Variants in NAF1 observed in about 807,000 individuals in gnomAD.
NAF1 encodes H/ACA ribonucleoprotein complex non-core subunit NAF1.
NAF1 carries 11 observed loss-of-function variants against 40.6 expected under a neutral mutation model. The observed-to-expected ratio is 0.27, with a 90% CI of 0.17 to 0.45. NAF1 has a LOEUF of 0.45. Among genes scored for constraint, NAF1 ranks in the 20% least tolerant of loss-of-function variants. The pLI is 1.00. For missense variants in NAF1, 607 were observed against 611.1 expected (o/e 0.99, Z 0.07); for synonymous variants, 260 against 228.5 (o/e 1.14, Z -1.24).
At chr4:163,146,317 C>A (rs2110964612) in intron 3 of NAF1, among the ~76,000 whole-genome samples, 1 of 152,290 alleles carries the variant, frequency 6.6e-6, no homozygotes, top group South Asian at 2.1e-4. Context: ...AAAGGCTTCA[C>A]AAAAGCATCT....
At chr4:163,153,908 C>T (rs776928256) in intron 2 of NAF1, among the ~76,000 whole-genome samples, 4 of 152,162 alleles carry the variant, frequency 2.6e-5, no homozygotes, top group South Asian at 2.1e-4. Flanking sequence ...CTTTTATGAG[C>T]CATAACACTC....
chr4:163,128,894 C>A lies in NAF1; in HGVS notation c.*3G>T. 6.8e-7 allele frequency: 1 copy of A among 1,477,206 alleles called. No homozygotes were observed. The highest frequency in any genetic ancestry group is 9.0e-7 in the Non-Finnish European group (1 of 1,112,186). 91.5% of individuals were successfully genotyped at this position (1,477,206 alleles called of 1,614,324 possible). A position where few individuals can be genotyped will look rare whatever the true frequency, so the allele number is the denominator to read the frequency against. On this transcript the variant is annotated 3_prime_UTR_variant, in exon 8 of 8. Transcript: ENST00000274054. ...CCACATTTCTCTGGAAATGCATAGT[C>A]ACCTAATAGTAAGGTCCAAAATGAG...
intron 4 of NAF1, chr4:163,141,858 C>T (rs1731274560): frequency 1.4e-6 from 1 of 694,552 alleles, no homozygotes; most frequent in Admixed American, 6.3e-5. Context: ...ATAGTAAATG[C>T]TCTTCACATT....
chr4:163,105,641 CATTAT>C (rs202062687), downstream of NAF1, among the ~76,000 whole-genome samples: 52 of 152,250 alleles, frequency 3.4e-4, no homozygotes, highest in African/African-American at 1.2e-3. Context: ...ATTACATTTT[CATTAT>C]ATTATAAGCA....
chr4:163,145,538 C>G (rs1438359675), intron 4 of NAF1, among the ~76,000 whole-genome samples: 2 of 152,156 alleles, frequency 1.3e-5, no homozygotes, highest in African/African-American at 4.8e-5. Context: ...ATCTGACAAA[C>G]ACTAGGAAAG....
chr4:163,165,240 T>C (rs1161616062), intron 1 of NAF1, among the ~76,000 whole-genome samples: 3 of 152,186 alleles, frequency 2.0e-5, no homozygotes, highest in Non-Finnish European at 4.4e-5. Flanking sequence ...CTTCTTCAGT[T>C]TCCATTTGAT....
intron 6 of NAF1, among the ~76,000 whole-genome samples, chr4:163,136,820 CCAT>C (rs930010022): frequency 2.0e-5 from 3 of 152,100 alleles, no homozygotes; most frequent in African/African-American, 7.2e-5. Context: ...ATTAAAAGCA[CCAT>C]GTCTTCATGT....
At chr4:163,109,546 CTT>C (rs1285172982), downstream of NAF1, among the ~76,000 whole-genome samples, 1 of 152,112 alleles carries the variant, frequency 6.6e-6, no homozygotes, top group Non-Finnish European at 1.5e-5. Context: ...AAAAAATCCT[CTT>C]GTGAGGTTAA....
At chr4:163,117,098 T>C (rs905205452) in intron 2 of NAF1, among the ~76,000 whole-genome samples, 12 of 152,230 alleles carry the variant, frequency 7.9e-5, no homozygotes, top group Non-Finnish European at 1.3e-4. Flanking sequence ...CAAAACATGC[T>C]GAGCTGTTTT....
chr4:163,134,887 T>C lies in NAF1; in HGVS notation c.931-1631A>G, dbSNP rs990070303. 7 of 152,324 alleles carry C rather than the reference T, an allele frequency of 4.6e-5. 1 individual carries two copies. The highest frequency in any genetic ancestry group is 4.6e-4 in the Admixed American group (7 of 15,314). The allele number at this position is 152,324 out of a possible 1,614,324, so 9.4% of individuals were successfully genotyped here. A position where few individuals can be genotyped will look rare whatever the true frequency, so the allele number is the denominator to read the frequency against. On this transcript the variant is annotated intron_variant, in intron 6 of 7. Coordinates refer to ENST00000274054, the MANE Select transcript of NAF1 (RefSeq NM_138386.3). ...TGCCATTTTAAATAATTGAACATCA[T>C]CTTAAGAGCAGGAGGGAGGAAGTAA...
chr4:163,118,120 T>TA lies in NAF1; in HGVS notation c.115-7831dup, dbSNP rs553119114. 8.4e-4 allele frequency among the ~76,000 whole-genome samples: 126 copies of TA among 150,504 alleles called. No homozygotes were observed. The East Asian group carries it at 0.015, about 17-fold the overall frequency. On this transcript the variant is annotated intron_variant, in intron 2 of 2. Transcript: ENST00000509434. ...ACCTTGTGAAATACTTTCAAGTCATTAAAAAAAAAGAATCCTCACTAATGC... is the reference window on the plus strand; with the variant it reads ...ACCTTGTGAAATACTTTCAAGTCATTAAAAAAAAAAGAATCCTCACTAATGC...
intron 2 of NAF1, among the ~76,000 whole-genome samples, chr4:163,116,725 C>T (rs1730349477): frequency 1.3e-5 from 2 of 152,206 alleles, no homozygotes; most frequent in South Asian, 4.1e-4. Flanking sequence ...CAAGTCTTCA[C>T]TTTTCTTCCT....
intron 7 of NAF1, among the ~76,000 whole-genome samples, chr4:163,130,248 T>C (rs1286159943): frequency 6.6e-6 from 1 of 151,428 alleles, no homozygotes; most frequent in African/African-American, 2.4e-5. Flanking sequence ...TCAAATTCAA[T>C]GAAAAAAATA....
chr4:163,115,753 C>T (rs2110815788), intron 2 of NAF1, among the ~76,000 whole-genome samples: 1 of 152,214 alleles, frequency 6.6e-6, no homozygotes, highest in East Asian at 1.9e-4. Context: ...GAAAAGAAGT[C>T]AAGTTCTTTC....
intron 2 of NAF1, among the ~76,000 whole-genome samples, chr4:163,120,399 T>G (rs1730483999): frequency 6.6e-6 from 1 of 152,224 alleles, no homozygotes; most frequent in Non-Finnish European, 1.5e-5. Context: ...ATTTTACTAT[T>G]TGGGTCATAT....
chr4:163,118,715 T>G (rs1730425846), intron 2 of NAF1, among the ~76,000 whole-genome samples: 1 of 151,868 alleles, frequency 6.6e-6, no homozygotes. Context: ...ATCGCACCAT[T>G]GCACTCCAGG....
downstream of NAF1, among the ~76,000 whole-genome samples, chr4:163,107,034 T>A (rs555616207): frequency 8.1e-4 from 124 of 152,208 alleles, no homozygotes; most frequent in African/African-American, 2.8e-3. Context: ...TCAGCCAGGC[T>A]GGAGTGCAGT....
At chr4:163,109,456 A>G (rs1000525839), downstream of NAF1, among the ~76,000 whole-genome samples, 1 of 152,154 alleles carries the variant, frequency 6.6e-6, no homozygotes, top group Non-Finnish European at 1.5e-5. Flanking sequence ...AAAGAAGAAA[A>G]AAGTTTTGAG....
chr4:163,111,825 G>C (rs988204101), intron 2 of NAF1, among the ~76,000 whole-genome samples: 17 of 151,992 alleles, frequency 1.1e-4, no homozygotes, highest in African/African-American at 3.6e-4. Context: ...ACTAGGAGGA[G>C]AAAAAAGTAA....
Sources: gnomAD v4.1 joint callset for allele counts (sites outside exome capture counted in the v4.1 genomes callset) on GRCh38, gnomAD v4.1.1 for gene constraint, MANE v1.5 for transcripts, NCBI Gene and HGNC (gene_info 2026-07-23, HGNC 2026-07-21) for gene names.